Variants in CCDC148 observed in about 807,000 individuals in gnomAD.
CCDC148 encodes coiled-coil domain-containing protein 148.
Under a neutral mutation model 85.7 loss-of-function variants are expected in CCDC148, and 89 were observed. That is an observed-to-expected ratio of 1.04 (90% CI 0.87 to 1.24). CCDC148 has a LOEUF of 1.24. CCDC148 is among the 50% of genes most tolerant of loss of function. The probability of loss-of-function intolerance (pLI) is 0.00; values close to 1 mark genes in which losing one functional copy is unlikely to be tolerated. For missense variants in CCDC148, 692 were observed against 671.7 expected (o/e 1.03, Z -0.33); for synonymous variants, 230 against 213.9 (o/e 1.08, Z -0.66).
At chr2:158,284,385 C>A (rs1690514027) in intron 9 of CCDC148, among the ~76,000 whole-genome samples, 1 of 151,894 alleles carries the variant, frequency 6.6e-6, no homozygotes, top group Non-Finnish European at 1.5e-5. Context: ...ATAAAAATAA[C>A]AACCTCTTAA....
chr2:158,368,349 C>A (rs1399756248), intron 1 of CCDC148, among the ~76,000 whole-genome samples: 1 of 152,076 alleles, frequency 6.6e-6, no homozygotes, highest in African/African-American at 2.4e-5. Flanking sequence ...TGTATTAAAA[C>A]CAACATTTCC....
intron 3 of CCDC148, among the ~76,000 whole-genome samples, chr2:158,341,309 A>T (rs1256346655): frequency 1.4e-5 from 2 of 138,790 alleles, no homozygotes; most frequent in South Asian, 2.2e-4. Context: ...GTACATACAT[A>T]TTTTTTTTTT....
intron 7 of CCDC148, among the ~76,000 whole-genome samples, chr2:158,319,296 A>G (rs191955528): frequency 3.5e-4 from 54 of 152,268 alleles, no homozygotes; most frequent in African/African-American, 1.2e-3. Context: ...CTGGCAGTGA[A>G]TCTGGATTGA....
chr2:158,405,288 T>C (rs1685950539), intron 1 of CCDC148, among the ~76,000 whole-genome samples: 1 of 152,164 alleles, frequency 6.6e-6, no homozygotes, highest in African/African-American at 2.4e-5. Flanking sequence ...TTAAATTGCC[T>C]ATTTTAAGAA....
rs145882667 is a variant in CCDC148 at position 158,334,900 on chromosome 2, C to A, written c.764+3826G>T. On this transcript the variant is annotated intron_variant, in intron 7 of 13. Transcript: ENST00000283233. The stretch of plus-strand genomic sequence containing the variant: ...GTTTGGCTGATTTTACAAGCTTAAT[C>A]TTCCTAATAAATTGGAATATTTAAT... Among the ~76,000 whole-genome samples the A allele has an allele frequency of 2.6e-5, 4 of 152,194 alleles. No homozygotes were observed. The East Asian group carries it at 7.7e-4, about 29-fold the overall frequency.
intron 11 of CCDC148, among the ~76,000 whole-genome samples, chr2:158,216,123 C>G (rs1432080018): frequency 6.6e-6 from 1 of 151,918 alleles, no homozygotes; most frequent in Non-Finnish European, 1.5e-5. Flanking sequence ...TGTTGCTGTT[C>G]TTAAACTTGA....
At position 158,307,687 on chromosome 2, in the gene CCDC148, T is replaced by A. The variant is rs995937253; in HGVS notation, c.1110+1746A>T. On this transcript the variant is annotated intron_variant, in intron 9 of 13. Transcript: ENST00000283233. The stretch of plus-strand genomic sequence containing the variant: ...TTAGCAGGAAAATATATACATATAC[T>A]ATGAAATACTAAACAGCAATAAAGA... Among the ~76,000 whole-genome samples, 18 of 152,286 alleles carry A rather than the reference T, an allele frequency of 1.2e-4. No homozygotes were observed. In the South Asian group the frequency reaches 1.9e-3, roughly 16 times the overall value.
chr2:158,240,452 TCACA>T (rs4028276), intron 10 of CCDC148, among the ~76,000 whole-genome samples: 22,759 of 120,256 alleles, frequency 0.19, 2,157 homozygotes, highest in Middle Eastern at 0.27. Context: ...TCTCTCTCTC[TCACA>T]CACACACACA....
chr2:158,424,626 T>A (rs561530027), intron 1 of CCDC148: 2 of 158,222 alleles, frequency 1.3e-5, no homozygotes, highest in African/African-American at 4.8e-5. Flanking sequence ...ACATGACGAG[T>A]TAATGGGTGC....
At chr2:158,455,377 C>A in intron 1 of CCDC148, among the ~76,000 whole-genome samples, 1 of 151,792 alleles carries the variant, frequency 6.6e-6, no homozygotes, top group Non-Finnish European at 1.5e-5. Context: ...CATTTTACTA[C>A]AAATGTGGAG....
At position 158,452,088 on chromosome 2, in the gene CCDC148, A is replaced by G. The variant is rs185932344; in HGVS notation, c.25+4327T>C. 2.3e-3 allele frequency among the ~76,000 whole-genome samples: 351 copies of G among 152,352 alleles called. 5 individuals carry two copies. In the South Asian group the frequency reaches 0.041, roughly 18 times the overall value. Reference sequence around the variant, plus strand: ...CCTTCAATGTCTGAGAATTAAACTGATAAAAGACAGACTGACAAGAGAAAA... The same window carrying G: ...CCTTCAATGTCTGAGAATTAAACTGGTAAAAGACAGACTGACAAGAGAAAA... On this transcript the variant is annotated intron_variant, in intron 1 of 13. Coordinates refer to ENST00000283233, the MANE Select transcript of CCDC148 (RefSeq NM_138803.4).
intron 1 of CCDC148, among the ~76,000 whole-genome samples, chr2:158,451,709 G>A (rs997966004): frequency 4.0e-5 from 6 of 150,896 alleles, no homozygotes; most frequent in African/African-American, 9.7e-5. Context: ...TAGAGACACC[G>A]CACTAAAAAA....
chr2:158,244,812 G>C (rs1688502353), intron 10 of CCDC148, among the ~76,000 whole-genome samples: 1 of 152,002 alleles, frequency 6.6e-6, no homozygotes. Flanking sequence ...GGTGAGTAGG[G>C]GATCCTATAG....
At chr2:158,310,690 C>T (rs1691949066) in intron 8 of CCDC148, among the ~76,000 whole-genome samples, 2 of 148,466 alleles carry the variant, frequency 1.3e-5, no homozygotes, top group African/African-American at 5.0e-5. Context: ...GATGGGGTGG[C>T]GGCCGGGCAG....
In CCDC148 at chr2:158,172,056, C is replaced by A; in HGVS notation, c.*57G>T. ...TTTAGAAAGTAGTAATTATTATTATCCATATACATGTTTTCAAAGAAAAAT... is the reference window on the plus strand; with the variant it reads ...TTTAGAAAGTAGTAATTATTATTATACATATACATGTTTTCAAAGAAAAAT... On this transcript the variant is annotated 3_prime_UTR_variant, in exon 14 of 14. Transcript: ENST00000283233. The A allele has an allele frequency of 2.6e-6, 3 of 1,163,588 alleles. No individual in the cohort carries two copies. Among genetic ancestry groups the A allele is most frequent in the Middle Eastern group, 2.5e-4 (1 of 3,944 alleles). 72.1% of individuals were successfully genotyped at this position (1,163,588 alleles called of 1,614,324 possible).
rs1182735063 is a variant in CCDC148 at position 158,317,393 on chromosome 2, G to C, written c.765-3499C>G. 3.9e-5 allele frequency among the ~76,000 whole-genome samples: 6 copies of C among 152,206 alleles called. No individual in the cohort carries two copies. In the South Asian group the frequency reaches 6.2e-4, roughly 16 times the overall value. On this transcript the variant is annotated intron_variant, in intron 7 of 13. Coordinates refer to ENST00000283233, the MANE Select transcript of CCDC148 (RefSeq NM_138803.4). ...GGGAATTTCAGCCTACAAAAGGTGAGGTATTTACCATTCAATTCTCATTCA... is the reference window on the plus strand; with the variant it reads ...GGGAATTTCAGCCTACAAAAGGTGACGTATTTACCATTCAATTCTCATTCA...
intron 7 of CCDC148, among the ~76,000 whole-genome samples, chr2:158,335,433 C>T (rs1196342454): frequency 2.6e-5 from 4 of 152,110 alleles, no homozygotes; most frequent in African/African-American, 7.2e-5. Context: ...TGTTCTGATG[C>T]TGTTAATAAA....
chr2:158,277,410 T>C (rs549254110), intron 9 of CCDC148, among the ~76,000 whole-genome samples: 9 of 152,288 alleles, frequency 5.9e-5, no homozygotes, highest in East Asian at 5.8e-4. Flanking sequence ...TGTTTTGTCA[T>C]AGTCAAGGAG....
chr2:158,362,914 T>C (rs13409723), intron 1 of CCDC148, among the ~76,000 whole-genome samples: 26,988 of 151,454 alleles, frequency 0.18, 3,919 homozygotes, highest in African/African-American at 0.4. Flanking sequence ...CAAAATAGAC[T>C]GCTAGCCAGA....
Sources: allele counts gnomAD v4.1 joint callset (sites outside exome capture counted in the v4.1 genomes callset), GRCh38; gene constraint gnomAD v4.1.1; transcripts MANE v1.5; gene names NCBI Gene and HGNC (gene_info 2026-07-23, HGNC 2026-07-21).